Variants in NRXN1 observed in about 807,000 individuals in gnomAD.
The protein encoded by NRXN1 is neurexin-1.
A neutral mutation model predicts 150.9 loss-of-function variants in NRXN1; 39 were observed. That is an observed-to-expected ratio of 0.26 (90% CI 0.20 to 0.34). The LOEUF (loss-of-function observed/expected upper bound fraction) is 0.34. NRXN1 is among the 10% of genes least tolerant of loss of function. The probability of loss-of-function intolerance (pLI) is 1.00; values close to 1 mark genes in which losing one functional copy is unlikely to be tolerated. For missense variants in NRXN1, 1,815 were observed against 1,949.9 expected, an observed-to-expected ratio of 0.93 and a Z score of 1.30; for synonymous variants, 924 against 757.0, an observed-to-expected ratio of 1.22 and a Z score of -3.62.
intron 8 of NRXN1, among the ~76,000 whole-genome samples, chr2:50,558,572 C>T (rs1668579247): frequency 6.6e-6 from 1 of 152,100 alleles, no homozygotes; most frequent in African/African-American, 2.4e-5. Flanking sequence ...CCCTTCAAGT[C>T]CAGTTATAGC....
chr2:50,860,672 G>C (rs1409809600), intron 5 of NRXN1, among the ~76,000 whole-genome samples: 1 of 152,048 alleles, frequency 6.6e-6, no homozygotes, highest in Non-Finnish European at 1.5e-5. Flanking sequence ...TAGTTTGGAT[G>C]CATGGGCAAG....
chr2:50,147,292 C>G (rs1315378617), intron 18 of NRXN1, among the ~76,000 whole-genome samples: 1 of 151,664 alleles, frequency 6.6e-6, no homozygotes, highest in Non-Finnish European at 1.5e-5. Context: ...ATTGCAAACA[C>G]CTAGGAGAGA....
intron 2 of NRXN1, among the ~76,000 whole-genome samples, chr2:50,983,595 C>A (rs1439778872): frequency 1.3e-5 from 2 of 152,072 alleles, no homozygotes; most frequent in Non-Finnish European, 2.9e-5. Flanking sequence ...CACATCCTTC[C>A]AGGGAAAGGC....
intron 5 of NRXN1, among the ~76,000 whole-genome samples, chr2:50,807,072 C>T (rs1237414253): frequency 6.6e-6 from 1 of 152,024 alleles, no homozygotes; most frequent in African/African-American, 2.4e-5. Flanking sequence ...ACTACAGTGC[C>T]TCTAGAGTGT....
intron 10 of NRXN1, among the ~76,000 whole-genome samples, chr2:50,534,831 T>C (rs1287232022): frequency 6.6e-6 from 1 of 152,158 alleles, no homozygotes; most frequent in Non-Finnish European, 1.5e-5. Flanking sequence ...CTTGATTTGA[T>C]TGAAAACTAA....
At chr2:50,153,468 C>T (rs1327168407) in intron 18 of NRXN1, among the ~76,000 whole-genome samples, 1 of 151,342 alleles carries the variant, frequency 6.6e-6, no homozygotes, top group African/African-American at 2.4e-5. Context: ...ACCTCCCTTC[C>T]TAAGGATTGC....
At chr2:50,242,609 A>C in intron 17 of NRXN1, among the ~76,000 whole-genome samples, 1 of 151,910 alleles carries the variant, frequency 6.6e-6, no homozygotes, top group East Asian at 1.9e-4. Context: ...TATAATATGT[A>C]ACCACTTCTA....
intron 17 of NRXN1, among the ~76,000 whole-genome samples, chr2:50,245,107 T>C (rs529732550): frequency 2.8e-4 from 42 of 151,970 alleles, no homozygotes; most frequent in Admixed American, 6.6e-4. Context: ...CTACTTATTA[T>C]TTTCCTGGCA....
chr2:50,426,283 A>G (rs1239887827), intron 17 of NRXN1, among the ~76,000 whole-genome samples: 1 of 152,178 alleles, frequency 6.6e-6, no homozygotes, highest in African/African-American at 2.4e-5. Flanking sequence ...CTGTAACTGT[A>G]AGAGATTGTA....
At chr2:50,785,025 G>A (rs1704884355) in intron 5 of NRXN1, among the ~76,000 whole-genome samples, 1 of 151,954 alleles carries the variant, frequency 6.6e-6, no homozygotes, top group Admixed American at 6.6e-5. Flanking sequence ...GTTAAATGAG[G>A]TTATAATTAT....
intron 18 of NRXN1, among the ~76,000 whole-genome samples, chr2:50,144,140 C>G (rs2152763383): frequency 6.6e-6 from 1 of 151,980 alleles, no homozygotes; most frequent in South Asian, 2.1e-4. Context: ...TTTCTGAAGA[C>G]TAATGAAGAG....
chr2:50,767,829 C>A (rs1702548635), intron 5 of NRXN1, among the ~76,000 whole-genome samples: 1 of 151,964 alleles, frequency 6.6e-6, no homozygotes, highest in Non-Finnish European at 1.5e-5. Context: ...TTTTAAATTA[C>A]ATTTTAATAT....
intron 5 of NRXN1, among the ~76,000 whole-genome samples, chr2:50,774,706 C>A (rs1703397243): frequency 6.6e-6 from 1 of 152,104 alleles, no homozygotes; most frequent in Admixed American, 6.6e-5. Context: ...GACCATTAAA[C>A]TGAATTTGAG....
At chr2:50,961,591 A>T (rs888992363) in intron 2 of NRXN1, among the ~76,000 whole-genome samples, 4 of 151,986 alleles carry the variant, frequency 2.6e-5, no homozygotes, top group African/African-American at 9.6e-5. Flanking sequence ...CTAGGAAGTT[A>T]AATTGAAAAA....
intron 18 of NRXN1, among the ~76,000 whole-genome samples, chr2:50,097,436 T>C (rs1700369889): frequency 1.3e-5 from 2 of 152,172 alleles, no homozygotes; most frequent in South Asian, 4.1e-4. Context: ...CATTGTTGAT[T>C]GAAACCAGAG....
chr2:50,109,545 C>T (rs1573963040), intron 18 of NRXN1, among the ~76,000 whole-genome samples: 2 of 151,422 alleles, frequency 1.3e-5, no homozygotes, highest in African/African-American at 2.4e-5. Flanking sequence ...GCGGGGTTCT[C>T]TTGGGTTTAT....
chr2:50,405,492 A>T (rs1022360908), intron 17 of NRXN1, among the ~76,000 whole-genome samples: 17 of 152,230 alleles, frequency 1.1e-4, no homozygotes, highest in Middle Eastern at 3.4e-3. Context: ...ATAGAAAACA[A>T]TGAAAATAAA....
intron 19 of NRXN1, among the ~76,000 whole-genome samples, chr2:50,060,543 G>A (rs968094719): frequency 6.6e-6 from 1 of 152,056 alleles, no homozygotes; most frequent in Admixed American, 6.5e-5. Context: ...GAAATGTGAG[G>A]GCATGAGATT....
At position 50,687,190 on chromosome 2, in the gene NRXN1, G is replaced by T. The variant is rs908329909; in HGVS notation, c.833-63575C>A. On this transcript the variant is annotated intron_variant, in intron 5 of 22. Transcript: ENST00000401669. ...AGTAGGGTATTTAAAGATGGGATTA[G>T]TAATACCTCATTTACCTAGGCATTT... Among the ~76,000 whole-genome samples the T allele has an allele frequency of 2.6e-5, 4 of 152,160 alleles. No individual in the cohort carries two copies. The East Asian group carries it at 7.7e-4, about 29-fold the overall frequency.
Sources: allele counts gnomAD v4.1 joint callset (sites outside exome capture counted in the v4.1 genomes callset), GRCh38; gene constraint gnomAD v4.1.1; transcripts MANE v1.5; gene names NCBI Gene and HGNC (gene_info 2026-07-23, HGNC 2026-07-21).